The following LGR4 variants were observed in gnomAD, a reference collection of about 807,000 sequenced individuals.
LGR4 encodes the protein leucine-rich repeat-containing G protein-coupled receptor 4.
Under a neutral mutation model 84.8 loss-of-function variants are expected in LGR4, and 44 were observed. That is an observed-to-expected ratio of 0.52 (90% CI 0.41 to 0.67). LGR4 has a LOEUF of 0.67. Among genes scored for constraint, LGR4 ranks in the 30% least tolerant of loss-of-function variants. The pLI is 0.00. For synonymous variants in LGR4, 429 were observed against 434.3 expected (o/e 0.99, Z 0.15); for missense variants, 1,032 against 1,131.4 (o/e 0.91, Z 1.26).
rs1401532006 is a variant in LGR4 at position 27,410,512 on chromosome 11, A to C, written c.257+2277T>G. ...CTTAAATGACTTCCAGATGACTCCT[A>C]GACAAACAGTTATGCTGTTTATGAA... is the stretch of plus-strand genomic sequence containing the variant. On this transcript the variant is annotated intron_variant, in intron 2 of 17. Transcript: ENST00000379214. 2.0e-5 allele frequency among the ~76,000 whole-genome samples: 3 copies of C among 152,256 alleles called. No individual in the cohort carries two copies. In the East Asian group the frequency reaches 5.8e-4, roughly 29 times the overall value.
intron 1 of LGR4, chr11:27,471,805 T>G (rs1408329589): frequency 4.4e-6 from 1 of 226,046 alleles, no homozygotes; most frequent in Non-Finnish European, 8.5e-6. Context: ...TTTAGATTAC[T>G]TCCTCCTTCT....
chr11:27,408,284 G>A (rs1237987123), intron 2 of LGR4, among the ~76,000 whole-genome samples: 1 of 152,086 alleles, frequency 6.6e-6, no homozygotes, highest in African/African-American at 2.4e-5. Context: ...GAAACAAAAT[G>A]ACAGGTAATC....
At chr11:27,426,087 C>T (rs1375589800) in intron 1 of LGR4, among the ~76,000 whole-genome samples, 1 of 152,124 alleles carries the variant, frequency 6.6e-6, no homozygotes, top group African/African-American at 2.4e-5. Context: ...AAAGAAAAAA[C>T]AGGCTTAACA....
At chr11:27,400,691 C>T (rs926401770) in intron 2 of LGR4, among the ~76,000 whole-genome samples, 8 of 152,026 alleles carry the variant, frequency 5.3e-5, no homozygotes, top group Middle Eastern at 3.4e-3. Flanking sequence ...TTAGTAGAGA[C>T]GGAGTTTCAC....
chr11:27,422,355 G>A (rs536393576), intron 1 of LGR4, among the ~76,000 whole-genome samples: 151 of 152,202 alleles, frequency 9.9e-4, no homozygotes, highest in Admixed American at 2.0e-3. Flanking sequence ...AAACATGCAC[G>A]CCCACGAAAA....
chr11:27,413,584 T>C (rs1016944641), intron 1 of LGR4, among the ~76,000 whole-genome samples: 1 of 152,130 alleles, frequency 6.6e-6, no homozygotes, highest in Non-Finnish European at 1.5e-5. Flanking sequence ...CCACTTGACA[T>C]CAGCACCATG....
Position 27,412,988 on chromosome 11 carries a change from C to T in LGR4, c.186-128G>A, listed in dbSNP as rs945760184. The T allele has an allele frequency of 2.6e-4, 168 of 652,356 alleles. 1 individual carries two copies. The highest frequency in any genetic ancestry group is 3.2e-5 in the Non-Finnish European group (12 of 371,598). The allele number at this position is 652,356 out of a possible 1,614,324, so 40.4% of individuals were successfully genotyped here. A position where few individuals can be genotyped will look rare whatever the true frequency, so the allele number is the denominator to read the frequency against. Reference sequence around the variant, plus strand: ...CATAGAAGACACATAGAAACAGTCACAATTTGGCTTCAGAATGCAATATTC... The same window carrying T: ...CATAGAAGACACATAGAAACAGTCATAATTTGGCTTCAGAATGCAATATTC... On this transcript the variant is annotated intron_variant, in intron 1 of 17. Transcript: ENST00000379214.
At chr11:27,420,111 T>G (rs1863900406) in intron 1 of LGR4, among the ~76,000 whole-genome samples, 1 of 152,164 alleles carries the variant, frequency 6.6e-6, no homozygotes, top group Non-Finnish European at 1.5e-5. Context: ...GTTTTTTCTT[T>G]TATAACTAAG....
At chr11:27,433,931 T>C (rs1864162158) in intron 1 of LGR4, among the ~76,000 whole-genome samples, 1 of 152,240 alleles carries the variant, frequency 6.6e-6, no homozygotes, top group Non-Finnish European at 1.5e-5. Context: ...CGGCATGGCA[T>C]GCAAAGCCTT....
rs1015071415 is a variant in LGR4 at position 27,368,652 on chromosome 11, G to A, written c.2071C>T (p.Pro691Ser). Residue 691 changes from proline (P) to serine (S), a missense_variant, in exon 18 of 18, where the codon CCC becomes TCC. Pro to Ser is a moderately conservative substitution (Grantham distance 74). Transcript: ENST00000379214. The part of the protein sequence containing the change: ...LFHRGEYSAS[P>S]LCLPFPTGET... ...CCTGTAGGAAATGGCAAACAAAGGG[G>A]TGATGCAGAATATTCCCCTCTATGG... The A allele has an allele frequency of 1.2e-6, 2 of 1,613,886 alleles. No individual in the cohort carries two copies. Among genetic ancestry groups the A allele is most frequent in the Admixed American group, 1.7e-5 (1 of 59,986 alleles).
At chr11:27,394,651 C>T (rs1374679663) in intron 2 of LGR4, among the ~76,000 whole-genome samples, 1 of 152,128 alleles carries the variant, frequency 6.6e-6, no homozygotes, top group Non-Finnish European at 1.5e-5. Context: ...GATCCGCCTG[C>T]CTTGGCCTCC....
At chr11:27,401,302 C>T (rs1415682306) in intron 2 of LGR4, among the ~76,000 whole-genome samples, 6 of 152,184 alleles carry the variant, frequency 3.9e-5, no homozygotes, top group African/African-American at 9.7e-5. Context: ...ATATTCAATT[C>T]ACGGAAACTT....
chr11:27,397,043 G>A (rs1863404656), intron 2 of LGR4, among the ~76,000 whole-genome samples: 1 of 152,030 alleles, frequency 6.6e-6, no homozygotes, highest in South Asian at 2.1e-4. Context: ...CAGGATTCCT[G>A]TCTCAAACCA....
At chr11:27,466,014 C>G (rs892809578) in intron 1 of LGR4, among the ~76,000 whole-genome samples, 11 of 152,216 alleles carry the variant, frequency 7.2e-5, no homozygotes, top group African/African-American at 2.7e-4. Context: ...CAAGCTTTAA[C>G]ATTGCCAACA....
chr11:27,369,419 T>C (rs1014046149), intron 17 of LGR4, among the ~76,000 whole-genome samples: 1 of 152,174 alleles, frequency 6.6e-6, no homozygotes, highest in African/African-American at 2.4e-5. Context: ...TTAGATGAAA[T>C]TTTTCATTTT....
chr11:27,416,682 C>T (rs1198498219), intron 1 of LGR4, among the ~76,000 whole-genome samples: 4 of 152,088 alleles, frequency 2.6e-5, no homozygotes, highest in Non-Finnish European at 4.4e-5. Context: ...CTGGGAGAAC[C>T]CTTCAAGATC....
chr11:27,442,065 A>G (rs1226745843), intron 1 of LGR4, among the ~76,000 whole-genome samples: 2 of 152,258 alleles, frequency 1.3e-5, no homozygotes, highest in East Asian at 1.9e-4. Context: ...CAGTGTAGGA[A>G]GATGAGCAGC....
chr11:27,434,053 A>C (rs1025384341), intron 1 of LGR4, among the ~76,000 whole-genome samples: 2 of 152,246 alleles, frequency 1.3e-5, no homozygotes, highest in African/African-American at 4.8e-5. Context: ...ATTGGAAAGC[A>C]CCATTAAAAC....
chr11:27,401,501 A>T (rs1863502906), intron 2 of LGR4, among the ~76,000 whole-genome samples: 1 of 152,162 alleles, frequency 6.6e-6, no homozygotes, highest in African/African-American at 2.4e-5. Flanking sequence ...CATGTGAGGA[A>T]ATAATATGTT....
Sources: allele counts gnomAD v4.1 joint callset (sites outside exome capture counted in the v4.1 genomes callset), GRCh38; gene constraint gnomAD v4.1.1; transcripts MANE v1.5; gene names NCBI Gene and HGNC (gene_info 2026-07-23, HGNC 2026-07-21).